IL1RAPL2: variants seen among roughly 807,000 people sequenced by gnomAD.
IL1RAPL2 encodes X-linked interleukin-1 receptor accessory protein-like 2.
In IL1RAPL2, 3 loss-of-function variants were observed where a neutral mutation model predicts 44.1. That is an observed-to-expected ratio of 0.07 (90% CI 0.03 to 0.18). The LOEUF is 0.18. IL1RAPL2 is among the 10% of genes least tolerant of loss of function. The probability of loss-of-function intolerance (pLI) is 1.00; values close to 1 mark genes in which losing one functional copy is unlikely to be tolerated. For missense variants in IL1RAPL2, 391 were observed against 496.4 expected (o/e 0.79, Z 2.02); for synonymous variants, 181 against 178.8 (o/e 1.01, Z -0.10).
chrX:104,730,533 C>A (rs762064353), intron 2 of IL1RAPL2, among the ~76,000 whole-genome samples: 2 of 105,915 alleles, frequency 1.9e-5, no homozygotes, highest in African/African-American at 6.7e-5. Context: ...TCATCCATGT[C>A]CCTACAAAGG....
chrX:104,902,648 G>A (rs1181908681), intron 2 of IL1RAPL2, among the ~76,000 whole-genome samples: 1 of 111,921 alleles, frequency 8.9e-6, no homozygotes, highest in Non-Finnish European at 1.9e-5. Flanking sequence ...TTGCAGAATA[G>A]CAGGTGGATA....
intron 5 of IL1RAPL2, among the ~76,000 whole-genome samples, chrX:105,464,230 A>G (rs2036112855): frequency 8.9e-6 from 1 of 112,280 alleles, no homozygotes; most frequent in Non-Finnish European, 1.9e-5. Context: ...ACTATGTGCC[A>G]GGCATTTTAC....
chrX:104,859,952 C>T (rs1023106188), intron 2 of IL1RAPL2, among the ~76,000 whole-genome samples: 3 of 112,101 alleles, frequency 2.7e-5, no homozygotes, highest in Non-Finnish European at 5.7e-5. Flanking sequence ...TTAATCTTTG[C>T]ATTTTCCTCT....
chrX:105,109,388 T>C (rs2032778727), intron 2 of IL1RAPL2, among the ~76,000 whole-genome samples: 1 of 112,220 alleles, frequency 8.9e-6, no homozygotes, highest in African/African-American at 3.2e-5. Context: ...GATAAGCAAA[T>C]GTGATATATC....
intron 2 of IL1RAPL2, among the ~76,000 whole-genome samples, chrX:105,016,908 C>A (rs1250346505): frequency 9.0e-6 from 1 of 111,357 alleles, no homozygotes; most frequent in Admixed American, 9.6e-5. Context: ...CCTATTTGTA[C>A]CTCAGATAGA....
chrX:105,386,866 T>G (rs536500003), intron 5 of IL1RAPL2, among the ~76,000 whole-genome samples: 96 of 111,691 alleles, frequency 8.6e-4, no homozygotes, highest in Middle Eastern at 4.6e-3. Context: ...CATTATTCTA[T>G]TATAGAATCT....
intron 1 of IL1RAPL2, among the ~76,000 whole-genome samples, chrX:104,585,313 A>ATATATAT (rs1260867437): frequency 5.4e-5 from 1 of 18,582 alleles, no homozygotes; most frequent in Non-Finnish European, 7.6e-5. Flanking sequence ...ATATTATATA[A>ATATATAT]TATATATTAT....
intron 2 of IL1RAPL2, among the ~76,000 whole-genome samples, chrX:104,868,056 G>A (rs1034892139): frequency 1.2e-4 from 13 of 111,469 alleles, no homozygotes; most frequent in African/African-American, 4.2e-4. Context: ...CTTTGCTGCA[G>A]TGTAAAAAAT....
chrX:104,912,370 G>A, intron 2 of IL1RAPL2, among the ~76,000 whole-genome samples: 1 of 110,334 alleles, frequency 9.1e-6, no homozygotes, highest in Non-Finnish European at 1.9e-5. Flanking sequence ...TTACAGTATG[G>A]TGCCCTTTCT....
At chrX:105,371,332 C>T (rs752977660) in intron 5 of IL1RAPL2, among the ~76,000 whole-genome samples, 6 of 111,723 alleles carry the variant, frequency 5.4e-5, no homozygotes, top group African/African-American at 1.6e-4. Context: ...ATGGTATTTC[C>T]TAGGTTTTCT....
intron 6 of IL1RAPL2, among the ~76,000 whole-genome samples, chrX:105,542,371 G>C (rs1263815027): frequency 8.9e-6 from 1 of 112,077 alleles, no homozygotes; most frequent in Admixed American, 9.5e-5. Flanking sequence ...GTGTGACACA[G>C]CCTGTTGTAG....
chrX:104,880,058 G>A (rs1328790325), intron 2 of IL1RAPL2, among the ~76,000 whole-genome samples: 4 of 91,703 alleles, frequency 4.4e-5, no homozygotes, highest in African/African-American at 7.4e-5. Flanking sequence ...TGCTGAGTAC[G>A]CTAAATCTGT....
At chrX:105,405,662 C>A in intron 5 of IL1RAPL2, 1 of 1,118,004 alleles carries the variant, frequency 8.9e-7, no homozygotes, top group Non-Finnish European at 1.2e-6. Context: ...GCGGGTGACC[C>A]TGTTCCTGAA....
At chrX:104,736,946 C>G (rs1202365961) in intron 2 of IL1RAPL2, among the ~76,000 whole-genome samples, 2 of 112,287 alleles carry the variant, frequency 1.8e-5, no homozygotes, top group East Asian at 5.6e-4. Context: ...CAGCTGAACT[C>G]AGAGATACAT....
At chrX:104,596,212 A>G (rs1244496560) in intron 1 of IL1RAPL2, among the ~76,000 whole-genome samples, 1 of 111,795 alleles carries the variant, frequency 8.9e-6, no homozygotes, top group Non-Finnish European at 1.9e-5. Flanking sequence ...AGGTGAACAT[A>G]AATAGTATTT....
chrX:105,370,536 T>C (rs2035330507), intron 5 of IL1RAPL2, among the ~76,000 whole-genome samples: 1 of 112,177 alleles, frequency 8.9e-6, no homozygotes, highest in South Asian at 3.7e-4. Flanking sequence ...CCCATCCATG[T>C]TCCTGCAAAT....
At chrX:105,384,178 C>G (rs2035459027) in intron 5 of IL1RAPL2, among the ~76,000 whole-genome samples, 1 of 111,420 alleles carries the variant, frequency 9.0e-6, no homozygotes, top group South Asian at 3.7e-4. Flanking sequence ...TCAGGAATTC[C>G]TTTCCCAGAC....
chrX:105,387,856 AT>A (rs1231844181), intron 5 of IL1RAPL2, among the ~76,000 whole-genome samples: 1 of 109,608 alleles, frequency 9.1e-6, no homozygotes, highest in East Asian at 2.9e-4. Context: ...TCTGTAGAAA[AT>A]GGGTAATTGG....
At chrX:104,771,104 C>A (rs1339999842) in intron 2 of IL1RAPL2, among the ~76,000 whole-genome samples, 1 of 112,570 alleles carries the variant, frequency 8.9e-6, no homozygotes, top group Non-Finnish European at 1.9e-5. Context: ...ATCCCTGCTT[C>A]TTTCTACTCT....
Sources: gnomAD v4.1 joint callset for allele counts (sites outside exome capture counted in the v4.1 genomes callset) on GRCh38, gnomAD v4.1.1 for gene constraint, MANE v1.5 for transcripts, NCBI Gene and HGNC (gene_info 2026-07-23, HGNC 2026-07-21) for gene names.